AMH: variants seen among roughly 807,000 people sequenced by gnomAD.
AMH encodes the protein anti-Mullerian hormone, also known as anti-Muellerian hormone.
Under a neutral mutation model 33.3 loss-of-function variants are expected in AMH, and 39 were observed. That is an observed-to-expected ratio of 1.17 (90% confidence interval 0.91 to 1.53). AMH has a LOEUF of 1.53. Among genes scored for constraint, AMH ranks in the 40% most tolerant of loss-of-function variants. The pLI is 0.00. For missense variants in AMH, 1,019 were observed against 799.8 expected (o/e 1.27, Z -3.30); for synonymous variants, 536 against 403.0 (o/e 1.33, Z -3.95).
Position 2,250,601 on chromosome 19 carries a change from G to T in AMH, c.556-51G>T, listed in dbSNP as rs536724890. On this transcript the variant is annotated intron_variant, in intron 2 of 4. Transcript: ENST00000221496. ...CGATGGGAGGAAGGGGACCGGTAGA[G>T]CGGGGCTGGGTAAGCCTCCATCCAG... 3.3e-6 allele frequency: 5 copies of T among 1,536,892 alleles called. No homozygotes were observed. In the South Asian group the frequency reaches 6.0e-5, roughly 18 times the overall value.
At position 2,250,399 on chromosome 19, in the gene AMH, C is replaced by T. The variant is rs753191322; in HGVS notation, c.475C>T (p.Pro159Ser). The T allele has an allele frequency of 1.5e-5, 23 of 1,580,318 alleles. No homozygotes were observed. The highest frequency in any genetic ancestry group is 1.9e-5 in the Non-Finnish European group (22 of 1,164,656). ...QEPPPGGAGP[P>S]ELALLVLYPG... Reference sequence around the variant, plus strand: ...GCCCCCGCCTGGAGGAGCTGGCCCCCCAGAGCTGGCGCTGCTGGTGCTGTA... The same window carrying T: ...GCCCCCGCCTGGAGGAGCTGGCCCCTCAGAGCTGGCGCTGCTGGTGCTGTA... The change falls in exon 2 of 5, where the codon CCA becomes TCA. Residue 159 changes from proline to serine, a missense_variant. Physicochemically the swap from Pro to Ser is moderately conservative, Grantham distance 74. Coordinates refer to ENST00000221496, the MANE Select transcript of AMH (RefSeq NM_000479.5).
At chr19:2,251,030 C>CGGGGCA (rs1568394079) in intron 4 of AMH, 22 bp downstream of exon 4, 1 of 1,519,026 alleles carries the variant, frequency 6.6e-7, no homozygotes, top group Non-Finnish European at 8.8e-7. Context: ...CACCGGGACA[C>CGGGGCA]GGGGCAGGAG....
At position 2,251,825 on chromosome 19, in the gene AMH, G is replaced by A; in HGVS notation, c.1551G>A (p.Gly517=). ...VVLLLKMQVR[G]AALARPPCCV... ...TGCTGCTGAAGATGCAGGTCCGTGG[G>A]GCCGCCCTGGCGCGCCCACCCTGCT... Residue 517 remains glycine (G), a synonymous_variant, in exon 5 of 5, where the codon GGG becomes GGA. Coordinates refer to ENST00000221496, the MANE Select transcript of AMH (RefSeq NM_000479.5). 1 of 1,601,594 alleles carries A rather than the reference G, an allele frequency of 6.2e-7. No homozygotes were observed. The highest frequency in any genetic ancestry group is 1.7e-4 in the Middle Eastern group (1 of 6,012).
In AMH at chr19:2,250,518, C is replaced by A. The variant is rs1568393440; in HGVS notation, c.555+39C>A. On this transcript the variant is annotated intron_variant, in intron 2 of 4. Transcript: ENST00000221496. ...GCATGGGGCAGTGCCCGGGCCGTGG[C>A]GGGGGGCATGGATTTGTTGCAGGGT... The A allele has an allele frequency of 2.6e-6, 4 of 1,543,126 alleles. No individual in the cohort carries two copies. The East Asian group carries it at 7.3e-5, about 28-fold the overall frequency.
chr19:2,251,751 G>C lies in AMH; in HGVS notation c.1477G>C (p.Gly493Arg), dbSNP rs779379392. The C allele has an allele frequency of 5.6e-6, 9 of 1,611,502 alleles. No homozygotes were observed. The highest frequency in any genetic ancestry group is 5.9e-6 in the Non-Finnish European group (7 of 1,179,618). Reference protein sequence around the residue: ...YQANNCQGVCGWPQSDRNPRY... With the variant: ...YQANNCQGVCRWPQSDRNPRY... ...GGCCAACAATTGCCAGGGCGTGTGC[G>C]GCTGGCCTCAGTCCGACCGCAACCC... is the stretch of plus-strand genomic sequence containing the variant. Residue 493 changes from glycine to arginine, a missense_variant, in exon 5 of 5, where the codon GGC (glycine) becomes CGC (arginine). Transcript: ENST00000221496.
intron 2 of AMH, 45 bp downstream of exon 2, chr19:2,250,524 G>A (rs547180609): frequency 1.9e-6 from 3 of 1,542,390 alleles, no homozygotes; most frequent in East Asian, 2.4e-5. Context: ...GTGGCGGGGG[G>A]CATGGATTTG....
Position 2,252,058 on chromosome 19 carries a change from C to A in AMH, c.*101C>A. 6.7e-7 allele frequency: 1 copy of A among 1,482,868 alleles called. No homozygotes were observed. Among genetic ancestry groups the A allele is most frequent in the Middle Eastern group, 2.4e-4 (1 of 4,218 alleles). 91.9% of individuals were successfully genotyped at this position (1,482,868 alleles called of 1,614,324 possible). A position where few individuals can be genotyped will look rare whatever the true frequency, so the allele number is the denominator to read the frequency against. Reference sequence around the variant, plus strand: ...ACCCCAAGCATCGCCCCAATAAAGACCAGCAAGCAACCGGCTGGGGTGTCC... The same window carrying A: ...ACCCCAAGCATCGCCCCAATAAAGAACAGCAAGCAACCGGCTGGGGTGTCC... On this transcript the variant is annotated 3_prime_UTR_variant, in exon 5 of 5. Transcript: ENST00000221496.
chr19:2,250,650 A>G lies in AMH; in HGVS notation c.556-2A>G, dbSNP rs962917208. On this transcript the variant is annotated splice_acceptor_variant, in intron 2 of 4. Coordinates refer to ENST00000221496, the MANE Select transcript of AMH (RefSeq NM_000479.5). LOFTEE classifies it high-confidence loss of function. ...AGCCGGGCTGAGCCCTGGTCTCCGC[A>G]GAGCCTCTGCCCCTCCCGAGACACC... 1.3e-6 allele frequency: 2 copies of G among 1,538,858 alleles called. No individual in the cohort carries two copies. Among genetic ancestry groups the G allele is most frequent in the Non-Finnish European group, 8.7e-7 (1 of 1,146,872 alleles).
chr19:2,250,950 G>A lies in AMH; in HGVS notation c.766G>A (p.Glu256Lys), dbSNP rs750351723. Residue 256 changes from glutamate (E) to lysine (K), a missense_variant, in exon 4 of 5, where the codon GAG (glutamate) becomes AAG (lysine). Coordinates refer to ENST00000221496, the MANE Select transcript of AMH (RefSeq NM_000479.5). ...TPALLLLPRS[E>K]PAPLPAHGQL... ...GGCCCTGCTCCTGCTGCCGCGGTCC[G>A]AGCCCGCGCCGCTGCCTGCGCACGG... is the stretch of plus-strand genomic sequence containing the variant. 8.5e-6 allele frequency: 13 copies of A among 1,532,018 alleles called. No homozygotes were observed. The highest frequency in any genetic ancestry group is 1.9e-5 in the Admixed American group (1 of 51,388). The allele number at this position is 1,532,018 out of a possible 1,614,324, so 94.9% of individuals were successfully genotyped here. A position where few individuals can be genotyped will look rare whatever the true frequency, so the allele number is the denominator to read the frequency against.
Position 2,251,208 on chromosome 19 carries a change from C to T in AMH, c.934C>T (p.Arg312Cys). ...RVPPARASAP[R>C]LALDPDALAG... is the part of the protein sequence containing the mutation. ...CCCCCCGGCCCGGGCCTCCGCGCCGCGCCTGGCCCTGGATCCGGACGCGCT... is the reference window on the plus strand; with the variant it reads ...CCCCCCGGCCCGGGCCTCCGCGCCGTGCCTGGCCCTGGATCCGGACGCGCT... Residue 312 changes from arginine to cysteine, a missense_variant, in exon 5 of 5, where the codon CGC becomes TGC. Arg to Cys is a radical substitution (Grantham distance 180). Transcript: ENST00000221496. 2 of 1,504,100 alleles carry T rather than the reference C, an allele frequency of 1.3e-6. No homozygotes were observed. Among genetic ancestry groups the T allele is most frequent in the Non-Finnish European group, 1.8e-6 (2 of 1,133,686 alleles). The allele number at this position is 1,504,100 out of a possible 1,614,324, so 93.2% of individuals were successfully genotyped here. A position where few individuals can be genotyped will look rare whatever the true frequency, so the allele number is the denominator to read the frequency against.
rs752466718 is a variant in AMH at position 2,251,183 on chromosome 19, C to G, written c.909C>G (p.Val303=). 4 of 1,509,268 alleles carry G rather than the reference C, an allele frequency of 2.7e-6. No homozygotes were observed. The highest frequency in any genetic ancestry group is 2.1e-4 in the Middle Eastern group (1 of 4,744). The allele number at this position is 1,509,268 out of a possible 1,614,324, so 93.5% of individuals were successfully genotyped here. The change falls in exon 5 of 5, where the codon GTC becomes GTG. Residue 303 remains valine, a synonymous_variant. Coordinates refer to ENST00000221496, the MANE Select transcript of AMH (RefSeq NM_000479.5). ...TLTRLVRALR[V]PPARASAPRL... ...CGCGCCTGGTGCGGGCGCTGCGGGT[C>G]CCCCCGGCCCGGGCCTCCGCGCCGC...
At position 2,249,391 on chromosome 19, in the gene AMH, T is replaced by G; in HGVS notation, c.59T>G (p.Leu20Arg). 6.3e-7 allele frequency: 1 copy of G among 1,591,612 alleles called. No individual in the cohort carries two copies. The highest frequency in any genetic ancestry group is 8.5e-7 in the Non-Finnish European group (1 of 1,169,958). ...ALVLSALGAL[L>R]GTEALRAEEP... ...GTGCTGTCTGCCCTGGGGGCTCTGCTGGGGACTGAGGCCCTCAGAGCAGAG... is the reference window on the plus strand; with the variant it reads ...GTGCTGTCTGCCCTGGGGGCTCTGCGGGGGACTGAGGCCCTCAGAGCAGAG... The change falls in exon 1 of 5, where the codon CTG (leucine) becomes CGG (arginine). Residue 20 changes from leucine to arginine, a missense_variant. Leu to Arg is a moderately radical substitution (Grantham distance 102). Coordinates refer to ENST00000221496, the MANE Select transcript of AMH (RefSeq NM_000479.5).
rs1447004865 is a variant in AMH at position 2,251,428 on chromosome 19, C to T, written c.1154C>T (p.Ala385Val). The T allele has an allele frequency of 1.5e-5, 22 of 1,440,130 alleles. No homozygotes were observed. Among genetic ancestry groups the T allele is most frequent in the Non-Finnish European group, 1.9e-5 (21 of 1,102,220 alleles). The allele number at this position is 1,440,130 out of a possible 1,614,324, so 89.2% of individuals were successfully genotyped here. A position where few individuals can be genotyped will look rare whatever the true frequency, so the allele number is the denominator to read the frequency against. Residue 385 changes from alanine (A) to valine (V), a missense_variant, in exon 5 of 5, where the codon GCG becomes GTG. Coordinates refer to ENST00000221496, the MANE Select transcript of AMH (RefSeq NM_000479.5). ...CGCCGCGTGGCTGCTGAACTGCAAG[C>T]GGCGGCTGCCGAGCTGCGAAGCCTC... ...LARRVAAELQ[A>V]AAAELRSLPG...
chr19:2,251,554 T>C lies in AMH; in HGVS notation c.1280T>C (p.Leu427Pro), dbSNP rs2025044539. 1.5e-6 allele frequency: 2 copies of C among 1,328,724 alleles called. No homozygotes were observed. Among genetic ancestry groups the C allele is most frequent in the Non-Finnish European group, 9.6e-7 (1 of 1,041,648 alleles). 82.3% of individuals were successfully genotyped at this position (1,328,724 alleles called of 1,614,324 possible). ...GLGDPLRALL[L>P]LKALQGLRVE... ...GGCGATCCCCTGCGAGCGCTGCTGC[T>C]CCTGAAGGCGCTGCAGGGCCTGCGC... The change falls in exon 5 of 5, where the codon CTC becomes CCC. Residue 427 changes from leucine to proline, a missense_variant. Coordinates refer to ENST00000221496, the MANE Select transcript of AMH (RefSeq NM_000479.5).
chr19:2,250,758 A>C lies in AMH; in HGVS notation c.662A>C (p.Glu221Ala). ...GCCTTGACCCTGCAGCCCCGCGGAG[A>C]GGGTAGGTCCGCGTGGAGAGGGACG... ...GLALTLQPRG[E>A]DSRLSTARLQ... The change falls in exon 3 of 5, where the codon GAG (glutamate) becomes GCG (alanine). Residue 221 changes from glutamate (E) to alanine (A), a missense_variant and splice_region_variant. Coordinates refer to ENST00000221496, the MANE Select transcript of AMH (RefSeq NM_000479.5). 1 of 1,534,624 alleles carries C rather than the reference A, an allele frequency of 6.5e-7. No homozygotes were observed. Among genetic ancestry groups the C allele is most frequent in the Non-Finnish European group, 8.7e-7 (1 of 1,146,428 alleles).
chr19:2,251,001 C>T lies in AMH; in HGVS notation c.817C>T (p.Pro273Ser), dbSNP rs778047263. 2.6e-6 allele frequency: 4 copies of T among 1,514,396 alleles called. No individual in the cohort carries two copies. In the South Asian group the frequency reaches 3.7e-5, roughly 14 times the overall value. The allele number at this position is 1,514,396 out of a possible 1,614,324, so 93.8% of individuals were successfully genotyped here. The change falls in exon 4 of 5, where the codon CCG becomes TCG. Residue 273 changes from proline (P) to serine (S), a missense_variant. By Grantham distance (74) the Pro-to-Ser change is moderately conservative. Coordinates refer to ENST00000221496, the MANE Select transcript of AMH (RefSeq NM_000479.5). ...HGQLDTVPFPPPRPSAELEES... is the reference protein window; with the variant it reads ...HGQLDTVPFPSPRPSAELEES... ...CCAGCTGGACACCGTGCCCTTCCCG[C>T]CGCCCAGGTGCGCGCAGGCACCGGG...
chr19:2,250,262 C>T (rs1205534568), intron 1 of AMH, 75 bp from the exon 2 acceptor site: 2 of 1,540,482 alleles, frequency 1.3e-6, no homozygotes, highest in Non-Finnish European at 1.7e-6. Context: ...GCCAGAGCGG[C>T]AGGGACAGAT....
Position 2,250,368 on chromosome 19 carries a change from C to G in AMH, c.444C>G (p.Phe148Leu), listed in dbSNP as rs1274517040. The change falls in exon 2 of 5, where the codon TTC (phenylalanine) becomes TTG (leucine). Residue 148 changes from phenylalanine (F) to leucine (L), a missense_variant. Coordinates refer to ENST00000221496, the MANE Select transcript of AMH (RefSeq NM_000479.5). The stretch of plus-strand genomic sequence containing the variant: ...GGGAGCCAACACCCTCGCTGAGGTT[C>G]CAGGAGCCCCCGCCTGGAGGAGCTG... ...VTWEPTPSLR[F>L]QEPPPGGAGP... is the part of the protein sequence containing the mutation. 22 of 1,596,436 alleles carry G rather than the reference C, an allele frequency of 1.4e-5. No homozygotes were observed. The highest frequency in any genetic ancestry group is 1.8e-5 in the Non-Finnish European group (21 of 1,173,744).
rs142456399 is a variant in AMH, at chr19:2,249,408, A to G, written c.76A>G (p.Arg26Gly). Residue 26 changes from arginine (R) to glycine (G), a missense_variant, in exon 1 of 5, where the codon AGA (arginine) becomes GGA (glycine). Transcript: ENST00000221496. ...GGCTCTGCTGGGGACTGAGGCCCTC[A>G]GAGCAGAGGAGCCAGCTGTGGGCAC... is the stretch of plus-strand genomic sequence containing the variant. ...LGALLGTEAL[R>G]AEEPAVGTSG... 6.0e-5 allele frequency: 95 copies of G among 1,595,270 alleles called. No homozygotes were observed. The East Asian group carries it at 7.5e-4, about 13-fold the overall frequency.
Sources: gnomAD v4.1 joint callset for allele counts on GRCh38, gnomAD v4.1.1 for gene constraint, MANE v1.5 for transcripts, NCBI Gene and HGNC (gene_info 2026-07-23, HGNC 2026-07-21) for gene names.